Variants in CLDN10 observed in about 807,000 individuals in gnomAD.
The protein encoded by CLDN10 is claudin-10.
In CLDN10, 15 loss-of-function variants were observed where a neutral mutation model predicts 22.9. The observed-to-expected ratio is 0.65, with a 90% CI of 0.44 to 1.01. CLDN10 has a LOEUF of 1.01. Ranked by LOEUF, CLDN10 falls within the 50% of genes least tolerant of loss-of-function variation. CLDN10 has a pLI of 0.00. For synonymous variants in CLDN10, 114 were observed against 111.4 expected, an observed-to-expected ratio of 1.02 and a Z score of -0.15; for missense variants, 247 against 287.8, an observed-to-expected ratio of 0.86 and a Z score of 1.03.
At chr13:95,528,890 C>T (rs2043312572) in intron 1 of CLDN10, among the ~76,000 whole-genome samples, 1 of 152,192 alleles carries the variant, frequency 6.6e-6, no homozygotes, top group South Asian at 2.1e-4. Flanking sequence ...CATTAAGACA[C>T]CACAGTCACT....
intron 3 of CLDN10, among the ~76,000 whole-genome samples, chr13:95,572,051 G>A (rs1235347293): frequency 2.6e-5 from 4 of 152,096 alleles, no homozygotes; most frequent in African/African-American, 9.7e-5. Context: ...TGTTAAAACC[G>A]ATCTTGCTTT....
rs937368729 is a variant in CLDN10 at position 95,579,485 on chromosome 13, A to C, written c.*1471A>C. On this transcript the variant is annotated 3_prime_UTR_variant, in exon 5 of 5. Transcript: ENST00000299339. ...AAAAAGAAATGAAAACAGAGAGCTT[A>C]AATAATTTGCCACAGTAATGTCGAA... 6.6e-6 allele frequency: 1 copy of C among 152,232 alleles called. No individual in the cohort carries two copies. Among genetic ancestry groups the C allele is most frequent in the African/African-American group, 2.4e-5 (1 of 41,460 alleles). 9.4% of individuals were successfully genotyped at this position (152,232 alleles called of 1,614,324 possible).
chr13:95,438,974 G>A (rs112863737), intron 1 of CLDN10, among the ~76,000 whole-genome samples: 687 of 50,392 alleles, frequency 0.014, 3 homozygotes, highest in African/African-American at 0.066. Flanking sequence ...AGACTCCATC[G>A]CAAAAAAAAA....
intron 1 of CLDN10, among the ~76,000 whole-genome samples, chr13:95,530,602 T>C (rs2043331903): frequency 6.6e-6 from 1 of 152,194 alleles, no homozygotes; most frequent in Non-Finnish European, 1.5e-5. Flanking sequence ...AGGAGAATGT[T>C]AATGCTATGG....
intron 1 of CLDN10, among the ~76,000 whole-genome samples, chr13:95,465,137 GC>G (rs2042571728): frequency 6.6e-6 from 1 of 152,154 alleles, no homozygotes; most frequent in Non-Finnish European, 1.5e-5. Flanking sequence ...AGACACTTTT[GC>G]CTTTTGGTGG....
At chr13:95,569,968 C>T (rs1030895527) in intron 3 of CLDN10, among the ~76,000 whole-genome samples, 1 of 152,154 alleles carries the variant, frequency 6.6e-6, no homozygotes, top group Non-Finnish European at 1.5e-5. Flanking sequence ...CGGGGTTTCA[C>T]CGTGTTAGCC....
At chr13:95,468,811 A>C (rs2139098479) in intron 1 of CLDN10, among the ~76,000 whole-genome samples, 1 of 152,332 alleles carries the variant, frequency 6.6e-6, no homozygotes. Context: ...CCTTTTCAAC[A>C]GACAGAGCTA....
chr13:95,551,516 C>T (rs1594605929), upstream of CLDN10, among the ~76,000 whole-genome samples: 1 of 151,740 alleles, frequency 6.6e-6, no homozygotes, highest in East Asian at 1.9e-4. Flanking sequence ...CACTGGGCAC[C>T]CATTTGGTTA....
At chr13:95,444,484 C>T (rs188765193) in intron 1 of CLDN10, among the ~76,000 whole-genome samples, 3 of 152,286 alleles carry the variant, frequency 2.0e-5, no homozygotes, top group Admixed American at 2.0e-4. Context: ...AGGGGCAGTT[C>T]TTCAGATACA....
At chr13:95,435,352 A>T (rs994961869) in intron 1 of CLDN10, among the ~76,000 whole-genome samples, 3 of 152,258 alleles carry the variant, frequency 2.0e-5, no homozygotes, top group Admixed American at 6.5e-5. Context: ...ATAAAATTTT[A>T]ACTAGGAAGT....
intron 1 of CLDN10, among the ~76,000 whole-genome samples, chr13:95,470,537 G>A (rs2042619398): frequency 1.3e-5 from 2 of 152,054 alleles, no homozygotes; most frequent in African/African-American, 2.4e-5. Flanking sequence ...TTTCTTCTAA[G>A]TCAAAGTTCA....
intron 1 of CLDN10, among the ~76,000 whole-genome samples, chr13:95,546,733 T>C (rs1259156486): frequency 6.6e-6 from 1 of 152,168 alleles, no homozygotes; most frequent in Non-Finnish European, 1.5e-5. Context: ...GACACTAGAC[T>C]GTATTGCTTC....
intron 1 of CLDN10, among the ~76,000 whole-genome samples, chr13:95,447,503 C>T (rs1427794919): frequency 3.9e-5 from 6 of 152,168 alleles, no homozygotes; most frequent in South Asian, 2.1e-4. Flanking sequence ...TGTCTTACGA[C>T]GGTCCCATAC....
At chr13:95,551,033 C>T (rs933574586), upstream of CLDN10, among the ~76,000 whole-genome samples, 1 of 151,954 alleles carries the variant, frequency 6.6e-6, no homozygotes, top group Non-Finnish European at 1.5e-5. Context: ...TAACATGATA[C>T]ATCAGGACAA....
At chr13:95,447,803 A>T (rs2042395221) in intron 1 of CLDN10, among the ~76,000 whole-genome samples, 1 of 151,660 alleles carries the variant, frequency 6.6e-6, no homozygotes, top group South Asian at 2.1e-4. Context: ...AAAAATATGC[A>T]TGTTATCCTA....
intron 1 of CLDN10, among the ~76,000 whole-genome samples, chr13:95,520,537 C>T (rs966185771): frequency 6.6e-6 from 1 of 152,094 alleles, no homozygotes; most frequent in East Asian, 1.9e-4. Context: ...CCATGCCCTG[C>T]TACTTTTGTA....
At chr13:95,549,575 A>G (rs891307077), upstream of CLDN10, among the ~76,000 whole-genome samples, 2 of 152,256 alleles carry the variant, frequency 1.3e-5, no homozygotes, top group African/African-American at 4.8e-5. Context: ...ATTCTAAAAT[A>G]AAAATGTTTG....
chr13:95,567,193 T>C (rs941819661), intron 3 of CLDN10, among the ~76,000 whole-genome samples: 1 of 152,160 alleles, frequency 6.6e-6, no homozygotes, highest in African/African-American at 2.4e-5. Flanking sequence ...TGGCACTGAA[T>C]CTATAAATTA....
intron 1 of CLDN10, among the ~76,000 whole-genome samples, chr13:95,491,074 C>T (rs532818939): frequency 4.7e-4 from 71 of 152,254 alleles, no homozygotes; most frequent in Non-Finnish European, 6.5e-4. Flanking sequence ...AGAATAACTA[C>T]CCCTGCTCGC....
Sources: allele counts gnomAD v4.1 joint callset (sites outside exome capture counted in the v4.1 genomes callset), GRCh38; gene constraint gnomAD v4.1.1; transcripts MANE v1.5; gene names NCBI Gene and HGNC (gene_info 2026-07-23, HGNC 2026-07-21).